The following FILIP1L variants were observed in gnomAD, a reference collection of about 807,000 sequenced individuals.
FILIP1L encodes the protein filamin A-interacting protein 1-like.
FILIP1L carries 55 observed loss-of-function variants against 96.6 expected under a neutral mutation model. The observed-to-expected ratio is 0.57, with a 90% CI of 0.46 to 0.71. FILIP1L has a LOEUF of 0.71. Among genes scored for constraint, FILIP1L ranks in the 30% least tolerant of loss-of-function variants. The pLI, the probability that FILIP1L is intolerant of heterozygous loss-of-function variation, is 0.00. For missense variants in FILIP1L, 1,304 were observed against 1,321.2 expected, an observed-to-expected ratio of 0.99 and a Z score of 0.20; for synonymous variants, 467 against 473.9, an observed-to-expected ratio of 0.99 and a Z score of 0.19.
At chr3:100,098,277 GAAGTA>G (rs2066245573) in intron 1 of FILIP1L, among the ~76,000 whole-genome samples, 1 of 152,186 alleles carries the variant, frequency 6.6e-6, no homozygotes, top group South Asian at 2.1e-4. Context: ...GAGGTAACGA[GAAGTA>G]AAGAAACAAG....
chr3:99,939,968 G>T (rs550745738), intron 1 of FILIP1L, among the ~76,000 whole-genome samples: 1 of 151,968 alleles, frequency 6.6e-6, no homozygotes, highest in South Asian at 2.1e-4. Context: ...TGTTTTCTAC[G>T]TGCTGCAGTC....
intron 1 of FILIP1L, among the ~76,000 whole-genome samples, chr3:99,983,860 T>C (rs1709248159): frequency 1.3e-5 from 2 of 151,872 alleles, no homozygotes; most frequent in Admixed American, 6.6e-5. Flanking sequence ...ACTTATAATG[T>C]AGAATAACTT....
intron 1 of FILIP1L, among the ~76,000 whole-genome samples, chr3:99,951,862 G>T (rs1265490450): frequency 6.6e-6 from 1 of 152,158 alleles, no homozygotes; most frequent in Admixed American, 6.5e-5. Flanking sequence ...CATGTGAATG[G>T]CTGTGGCTAT....
Position 99,849,751 on chromosome 3 carries a change from A to C in FILIP1L, c.1925T>G (p.Met642Arg). Residue 642 changes from methionine to arginine, a missense_variant, in exon 5 of 6, where the codon ATG becomes AGG. Physicochemically the swap from Met to Arg is moderately conservative, Grantham distance 91. Transcript: ENST00000477258. ...VERLKLKLKD[M>R]KAIEDDLMKT... ...CATGAGGTCATCCTCAATGGCTTTC[A>C]TGTCCTTTAGCTTCAGTTTCAGTCT... The C allele has an allele frequency of 6.2e-7, 1 of 1,613,604 alleles. No individual in the cohort carries two copies. Among genetic ancestry groups the C allele is most frequent in the Non-Finnish European group, 8.5e-7 (1 of 1,179,966 alleles).
chr3:99,932,822 C>T (rs1175878431), intron 1 of FILIP1L, among the ~76,000 whole-genome samples: 1 of 152,114 alleles, frequency 6.6e-6, no homozygotes, highest in African/African-American at 2.4e-5. Flanking sequence ...ACACAGGAGG[C>T]CGAGGTTGCA....
In FILIP1L at chr3:100,010,778, AT is replaced by A. The variant is rs11371196; in HGVS notation, c.-10-79749del. On this transcript the variant is annotated intron_variant, in intron 1 of 5. Coordinates refer to ENST00000477258, the MANE Select transcript of FILIP1L (RefSeq NM_001387850.1). ...TACAGGTGCGCGCCTCCACGCCCGGATTTTTTTTTTTTTTTTTTTTTGTATT... is the reference window on the plus strand; with the variant it reads ...TACAGGTGCGCGCCTCCACGCCCGGATTTTTTTTTTTTTTTTTTTTGTATT... Among the ~76,000 whole-genome samples the A allele has an allele frequency of 3.4e-3, 321 of 93,666 alleles. 2 individuals carry two copies. The highest frequency in any genetic ancestry group is 4.9e-3 in the East Asian group (16 of 3,276). 61.4% of individuals were successfully genotyped at this position (93,666 alleles called of 152,430 possible).
In FILIP1L at chr3:99,913,606, GAAA is replaced by G. The variant is rs1706861749; in HGVS notation, c.605+10621_605+10623del. On this transcript the variant is annotated intron_variant, in intron 4 of 5. Transcript: ENST00000477258. ...TATGCAACCACTTAAAAAAAGAATA[GAAA>G]AAGTATTGTATGATCTTCATGAATT... Among the ~76,000 whole-genome samples, 5 of 152,080 alleles carry G rather than the reference GAAA, an allele frequency of 3.3e-5. No individual in the cohort carries two copies. In the South Asian group the frequency reaches 1.0e-3, roughly 32 times the overall value.
chr3:99,958,161 CTGCAGCTA>C (rs1362549813), intron 1 of FILIP1L, among the ~76,000 whole-genome samples: 7 of 148,706 alleles, frequency 4.7e-5, no homozygotes, highest in African/African-American at 2.5e-5. Flanking sequence ...TGGTGGTTTG[CTGCAGCTA>C]TCAACCCATC....
chr3:99,950,636 C>G (rs541661109), intron 1 of FILIP1L, among the ~76,000 whole-genome samples: 66 of 152,306 alleles, frequency 4.3e-4, no homozygotes, highest in African/African-American at 1.5e-3. Flanking sequence ...ACTATCCCCA[C>G]TCACCATTTC....
intron 1 of FILIP1L, among the ~76,000 whole-genome samples, chr3:99,987,152 C>G (rs1021065244): frequency 1.3e-5 from 2 of 151,536 alleles, no homozygotes; most frequent in Non-Finnish European, 2.9e-5. Context: ...ATCACTTAAG[C>G]CCAGGAGGTT....
chr3:100,092,425 C>CT (rs1030216490), intron 1 of FILIP1L, among the ~76,000 whole-genome samples: 2 of 151,332 alleles, frequency 1.3e-5, no homozygotes, highest in African/African-American at 2.4e-5. Flanking sequence ...AGAAGTTTGG[C>CT]TTTTTTTTAA....
intron 4 of FILIP1L, among the ~76,000 whole-genome samples, chr3:99,864,065 G>A (rs1411200641): frequency 1.3e-5 from 2 of 152,168 alleles, no homozygotes; most frequent in Non-Finnish European, 2.9e-5. Flanking sequence ...TATTTTTAAT[G>A]GAATTAATAT....
chr3:99,907,063 A>G (rs1006299648), intron 4 of FILIP1L, among the ~76,000 whole-genome samples: 1 of 152,196 alleles, frequency 6.6e-6, no homozygotes, highest in African/African-American at 2.4e-5. Context: ...CTAAATAAAC[A>G]TATTTTTGGG....
intron 1 of FILIP1L, among the ~76,000 whole-genome samples, chr3:99,969,030 T>C (rs1347611049): frequency 6.6e-6 from 1 of 151,898 alleles, no homozygotes; most frequent in Non-Finnish European, 1.5e-5. Flanking sequence ...AAAGAGTAAA[T>C]AGGCACTGAG....
intron 1 of FILIP1L, among the ~76,000 whole-genome samples, chr3:100,102,375 A>G (rs1306649734): frequency 6.6e-6 from 1 of 152,166 alleles, no homozygotes; most frequent in Non-Finnish European, 1.5e-5. Flanking sequence ...TGTTAAGAGG[A>G]TAACTAAATA....
At chr3:99,999,682 A>G (rs1201222019) in intron 1 of FILIP1L, among the ~76,000 whole-genome samples, 1 of 152,130 alleles carries the variant, frequency 6.6e-6, no homozygotes, top group Non-Finnish European at 1.5e-5. Context: ...TTGATGGTTC[A>G]TTGCTTTATG....
rs116727602 is a variant in FILIP1L at position 99,964,987 on chromosome 3, T to A, written c.-10-33957A>T. Among the ~76,000 whole-genome samples, 946 of 152,354 alleles carry A rather than the reference T, an allele frequency of 6.2e-3. 4 individuals are homozygous for A. Among genetic ancestry groups the A allele is most frequent in the Middle Eastern group, 0.014 (4 of 294 alleles). On this transcript the variant is annotated intron_variant, in intron 1 of 5. Coordinates refer to ENST00000477258, the MANE Select transcript of FILIP1L (RefSeq NM_001387850.1). Reference sequence around the variant, plus strand: ...AAAAGAAACATGATCCTTTTCATTGTATTTCTTGAAGTACCTGATATACTT... The same window carrying A: ...AAAAGAAACATGATCCTTTTCATTGAATTTCTTGAAGTACCTGATATACTT...
At chr3:99,853,084 G>A (rs751458787) in intron 4 of FILIP1L, among the ~76,000 whole-genome samples, 8 of 152,134 alleles carry the variant, frequency 5.3e-5, no homozygotes, top group Non-Finnish European at 7.3e-5. Context: ...ATCCCTATCT[G>A]AGACACATGA....
chr3:100,076,447 T>C (rs1480284974), intron 1 of FILIP1L, among the ~76,000 whole-genome samples: 2 of 152,244 alleles, frequency 1.3e-5, no homozygotes, highest in Non-Finnish European at 1.5e-5. Context: ...GCTGAGCCCC[T>C]CTGATGGACA....
Sources: gnomAD v4.1 joint callset for allele counts (sites outside exome capture counted in the v4.1 genomes callset) on GRCh38, gnomAD v4.1.1 for gene constraint, MANE v1.5 for transcripts, NCBI Gene and HGNC (gene_info 2026-07-23, HGNC 2026-07-21) for gene names.